The following AUTS2 variants were observed in gnomAD, a reference collection of about 807,000 sequenced individuals.
AUTS2 encodes the protein autism susceptibility gene 2 protein.
AUTS2 carries 17 observed loss-of-function variants against 112.4 expected under a neutral mutation model. That is an observed-to-expected ratio of 0.15 (90% confidence interval 0.10 to 0.23). The LOEUF (loss-of-function observed/expected upper bound fraction) is 0.23, where lower values mean the gene tolerates loss of function less well. Among genes scored for constraint, AUTS2 ranks in the 10% least tolerant of loss-of-function variants. The pLI is 1.00. For missense variants in AUTS2, 1,510 were observed against 1,701.6 expected (o/e 0.89, Z 1.98); for synonymous variants, 751 against 702.7 (o/e 1.07, Z -1.09).
chr7:69,984,446 G>T (rs1261922673), intron 2 of AUTS2, among the ~76,000 whole-genome samples: 5 of 148,076 alleles, frequency 3.4e-5, no homozygotes, highest in African/African-American at 1.2e-4. Context: ...TAAAATGTTT[G>T]TGAAAAATTT....
chr7:70,564,191 T>C lies in AUTS2; in HGVS notation c.690+128410T>C, dbSNP rs148619499. Among the ~76,000 whole-genome samples the C allele has an allele frequency of 2.0e-5, 3 of 152,306 alleles. No individual in the cohort carries two copies. In the East Asian group the frequency reaches 5.8e-4, roughly 29 times the overall value. On this transcript the variant is annotated intron_variant, in intron 5 of 18. Coordinates refer to ENST00000342771, the MANE Select transcript of AUTS2 (RefSeq NM_015570.4). ...TATTACAATCATGTAATTCATTCAG[T>C]GCTGTGATTTTTCAAAGACATAACT...
chr7:70,372,466 A>G (rs900428851), intron 4 of AUTS2, among the ~76,000 whole-genome samples: 3 of 152,134 alleles, frequency 2.0e-5, no homozygotes, highest in Admixed American at 1.3e-4. Flanking sequence ...CATTCGTTTA[A>G]TCTAGAGTAA....
chr7:70,071,999 G>A (rs1242323353), intron 2 of AUTS2, among the ~76,000 whole-genome samples: 1 of 152,148 alleles, frequency 6.6e-6, no homozygotes, highest in Non-Finnish European at 1.5e-5. Context: ...CCTTGCTGCG[G>A]CCCAAGGGAA....
intron 5 of AUTS2, among the ~76,000 whole-genome samples, chr7:70,604,361 G>C (rs755516001): frequency 2.0e-5 from 3 of 152,206 alleles, no homozygotes; most frequent in Non-Finnish European, 4.4e-5. Context: ...AGATGCAGAA[G>C]GTGGGCCTTA....
chr7:70,428,558 A>T (rs1795524947), intron 4 of AUTS2, among the ~76,000 whole-genome samples: 1 of 152,196 alleles, frequency 6.6e-6, no homozygotes, highest in Admixed American at 6.6e-5. Flanking sequence ...ATTATACTTG[A>T]TGTTAGATAT....
At chr7:69,963,397 G>A (rs889856595) in intron 2 of AUTS2, among the ~76,000 whole-genome samples, 5 of 152,124 alleles carry the variant, frequency 3.3e-5, no homozygotes, top group South Asian at 2.1e-4. Context: ...CCAAGGAACC[G>A]GGTAGACTTC....
intron 16 of AUTS2, chr7:70,785,619 C>CTGTT (rs1267536647): frequency 6.9e-6 from 3 of 433,224 alleles, no homozygotes; most frequent in South Asian, 3.7e-5. Flanking sequence ...CCTTTCTGTT[C>CTGTT]TGTTAGAATC....
intron 1 of AUTS2, among the ~76,000 whole-genome samples, chr7:69,736,954 A>G (rs1166011977): frequency 6.6e-6 from 1 of 152,164 alleles, no homozygotes; most frequent in African/African-American, 2.4e-5. Context: ...AGTCCAGGAC[A>G]TTTCACATTT....
intron 2 of AUTS2, among the ~76,000 whole-genome samples, chr7:69,915,950 C>T (rs780007188): frequency 6.6e-6 from 1 of 152,290 alleles, no homozygotes; most frequent in South Asian, 2.1e-4. Flanking sequence ...AGCTCTTGAG[C>T]TCAAGCAATT....
At position 70,057,304 on chromosome 7, in the gene AUTS2, G is replaced by A. The variant is rs1389737079; in HGVS notation, c.523-60828G>A. 2.0e-5 allele frequency among the ~76,000 whole-genome samples: 3 copies of A among 152,258 alleles called. No homozygotes were observed. The East Asian group carries it at 5.8e-4, about 29-fold the overall frequency. Reference sequence around the variant, plus strand: ...AGGAAACATTCAAATAATGATTAATGATGCCAAAACTTTAAACATGGAGGA... The same window carrying A: ...AGGAAACATTCAAATAATGATTAATAATGCCAAAACTTTAAACATGGAGGA... On this transcript the variant is annotated intron_variant, in intron 2 of 18. Coordinates refer to ENST00000342771, the MANE Select transcript of AUTS2 (RefSeq NM_015570.4).
At chr7:70,509,939 G>A (rs1178628515) in intron 5 of AUTS2, among the ~76,000 whole-genome samples, 2 of 152,250 alleles carry the variant, frequency 1.3e-5, no homozygotes, top group Non-Finnish European at 2.9e-5. Context: ...ACTTGAAACT[G>A]TACCCCCTAA....
intron 1 of AUTS2, among the ~76,000 whole-genome samples, chr7:69,810,203 G>A (rs1790488686): frequency 6.6e-6 from 1 of 152,146 alleles, no homozygotes; most frequent in Non-Finnish European, 1.5e-5. Context: ...GCGGCTAAGA[G>A]TGCCGGCGTC....
intron 6 of AUTS2, among the ~76,000 whole-genome samples, chr7:70,699,654 C>G (rs1225835361): frequency 6.6e-6 from 1 of 152,140 alleles, no homozygotes; most frequent in Non-Finnish European, 1.5e-5. Context: ...TGCCGTTACT[C>G]CCAGAATTAC....
chr7:70,169,125 A>C (rs972379801), intron 4 of AUTS2, among the ~76,000 whole-genome samples: 2 of 152,204 alleles, frequency 1.3e-5, no homozygotes, highest in Non-Finnish European at 2.9e-5. Flanking sequence ...TGATTTTTAA[A>C]ATTTGTTGAA....
At chr7:70,164,078 G>T (rs139811056) in intron 4 of AUTS2, among the ~76,000 whole-genome samples, 2 of 152,256 alleles carry the variant, frequency 1.3e-5, no homozygotes, top group East Asian at 3.9e-4. Context: ...GTTTAGGGTG[G>T]ATCCTGAACA....
intron 4 of AUTS2, among the ~76,000 whole-genome samples, chr7:70,303,434 G>GCACACACACACACA (rs1427875852): frequency 0.018 from 2,523 of 141,986 alleles, 31 homozygotes; most frequent in East Asian, 0.043. Flanking sequence ...GCGCGCGCGC[G>GCACACACACACACA]CACATACACA....
At chr7:70,564,452 GT>G in intron 5 of AUTS2, among the ~76,000 whole-genome samples, 1 of 152,284 alleles carries the variant, frequency 6.6e-6, no homozygotes, top group Middle Eastern at 3.4e-3. Flanking sequence ...GGGCAATTAG[GT>G]TTACTACTTA....
At chr7:70,685,311 A>G (rs1230764833) in intron 5 of AUTS2, among the ~76,000 whole-genome samples, 1 of 151,872 alleles carries the variant, frequency 6.6e-6, no homozygotes, top group Non-Finnish European at 1.5e-5. Context: ...CGCCTCTACT[A>G]AAAATACAAA....
At chr7:69,892,820 C>T (rs975597175) in intron 1 of AUTS2, among the ~76,000 whole-genome samples, 2 of 152,168 alleles carry the variant, frequency 1.3e-5, no homozygotes, top group East Asian at 3.8e-4. Flanking sequence ...CATATGATTA[C>T]CTATTCTATC....
Sources: gnomAD v4.1 joint callset for allele counts (sites outside exome capture counted in the v4.1 genomes callset) on GRCh38, gnomAD v4.1.1 for gene constraint, MANE v1.5 for transcripts, NCBI Gene and HGNC (gene_info 2026-07-23, HGNC 2026-07-21) for gene names.